PHLPP2: variants seen among roughly 807,000 people sequenced by gnomAD.
The protein encoded by PHLPP2 is PH domain leucine-rich repeat-containing protein phosphatase 2.
A neutral mutation model predicts 124.9 loss-of-function variants in PHLPP2; 66 were observed. The observed-to-expected ratio is 0.53, with a 90% CI of 0.43 to 0.65. The LOEUF (loss-of-function observed/expected upper bound fraction) is 0.65. PHLPP2 is among the 30% of genes least tolerant of loss of function. The pLI, the probability that PHLPP2 is intolerant of heterozygous loss-of-function variation, is 0.00. For synonymous variants in PHLPP2, 681 were observed against 624.7 expected, an observed-to-expected ratio of 1.09 and a Z score of -1.34; for missense variants, 1,685 against 1,600.4, an observed-to-expected ratio of 1.05 and a Z score of -0.90.
chr16:71,691,558 T>C (rs1292956363), intron 3 of PHLPP2, among the ~76,000 whole-genome samples: 1 of 151,662 alleles, frequency 6.6e-6, no homozygotes, highest in African/African-American at 2.4e-5. Context: ...AAAAAGAACA[T>C]GGAATAAATG....
chr16:71,652,397 G>A (rs766548448), intron 18 of PHLPP2, among the ~76,000 whole-genome samples: 5 of 152,192 alleles, frequency 3.3e-5, no homozygotes, highest in Admixed American at 6.5e-5. Context: ...ACACCACATA[G>A]AGTATAAACA....
chr16:71,720,707 A>G (rs1338542343), intron 1 of PHLPP2, among the ~76,000 whole-genome samples: 3 of 152,008 alleles, frequency 2.0e-5, no homozygotes, highest in Non-Finnish European at 4.4e-5. Flanking sequence ...TCTACTAAAA[A>G]TACAAAATTA....
chr16:71,651,124 G>C (rs1435645536), intron 18 of PHLPP2, among the ~76,000 whole-genome samples: 2 of 152,168 alleles, frequency 1.3e-5, no homozygotes, highest in African/African-American at 4.8e-5. Context: ...CGGATCACCT[G>C]AGATGGGAGT....
intron 2 of PHLPP2, among the ~76,000 whole-genome samples, chr16:71,710,736 G>A (rs756390524): frequency 4.6e-5 from 7 of 152,180 alleles, no homozygotes; most frequent in Non-Finnish European, 7.3e-5. Flanking sequence ...AGTTTAAGCA[G>A]CACTACAAAT....
At chr16:71,685,066 G>A (rs527958797) in intron 4 of PHLPP2, among the ~76,000 whole-genome samples, 10 of 152,312 alleles carry the variant, frequency 6.6e-5, no homozygotes, top group South Asian at 2.1e-4. Flanking sequence ...GGTGGCTCAC[G>A]CCTGTAATCC....
intron 3 of PHLPP2, among the ~76,000 whole-genome samples, chr16:71,695,867 T>C (rs2045164620): frequency 6.6e-6 from 1 of 152,158 alleles, no homozygotes; most frequent in African/African-American, 2.4e-5. Flanking sequence ...TATGAATATA[T>C]ACTATATAAA....
At chr16:71,716,781 C>T (rs1046230099) in intron 1 of PHLPP2, among the ~76,000 whole-genome samples, 2 of 152,178 alleles carry the variant, frequency 1.3e-5, no homozygotes, top group Non-Finnish European at 2.9e-5. Context: ...CTCTATGGAG[C>T]CTTCCATATC....
intron 15 of PHLPP2, among the ~76,000 whole-genome samples, chr16:71,657,045 C>T (rs916865848): frequency 5.9e-5 from 9 of 152,040 alleles, no homozygotes; most frequent in Non-Finnish European, 1.2e-4. Context: ...TGAGTTCAAA[C>T]GATTCTCCTG....
chr16:71,719,886 C>A (rs1353921594), intron 1 of PHLPP2, among the ~76,000 whole-genome samples: 2 of 151,758 alleles, frequency 1.3e-5, no homozygotes, highest in East Asian at 3.9e-4. Flanking sequence ...CAACCTCCAC[C>A]GCCCGGGTTC....
rs1360642067 is a variant in PHLPP2 at position 71,646,719 on chromosome 16, A to G, written c.*2171T>C. The stretch of plus-strand genomic sequence containing the variant: ...TTTTCTTCATTAAAAAAAATTTCCC[A>G]TATAAAAATAAGGTGGCAAAACACT... On this transcript the variant is annotated 3_prime_UTR_variant, in exon 19 of 19. Transcript: ENST00000568954. 1 of 152,146 alleles carries G rather than the reference A, an allele frequency of 6.6e-6. No individual in the cohort carries two copies. Among genetic ancestry groups the G allele is most frequent in the Non-Finnish European group, 1.5e-5 (1 of 68,030 alleles). The allele number at this position is 152,146 out of a possible 1,614,324, so 9.4% of individuals were successfully genotyped here.
chr16:71,715,823 C>CAAAA (rs71153656), intron 1 of PHLPP2, among the ~76,000 whole-genome samples: 1 of 113,070 alleles, frequency 8.8e-6, no homozygotes, highest in African/African-American at 3.3e-5. Context: ...ACTAAAAATA[C>CAAAA]AAAAAAAAAA....
At chr16:71,712,622 A>C (rs2045331372) in intron 2 of PHLPP2, among the ~76,000 whole-genome samples, 1 of 152,228 alleles carries the variant, frequency 6.6e-6, no homozygotes, top group African/African-American at 2.4e-5. Flanking sequence ...AGGATCACCC[A>C]GTCTGATCCT....
chr16:71,709,122 T>C (rs1418192348), intron 2 of PHLPP2, among the ~76,000 whole-genome samples: 2 of 152,186 alleles, frequency 1.3e-5, no homozygotes, highest in Non-Finnish European at 2.9e-5. Context: ...ATTCCAATTT[T>C]GTAACATATA....
At chr16:71,672,524 T>C (rs1204051897) in intron 9 of PHLPP2, among the ~76,000 whole-genome samples, 1 of 152,218 alleles carries the variant, frequency 6.6e-6, no homozygotes, top group East Asian at 1.9e-4. Context: ...TAACAGCTAA[T>C]TGAAGGATCC....
chr16:71,723,231 C>A (rs914841006), intron 1 of PHLPP2: 1 of 152,288 alleles, frequency 6.6e-6, no homozygotes, highest in Admixed American at 6.5e-5. Context: ...GGGTAGCGAG[C>A]CCCGAGGGCA....
At chr16:71,676,702 C>T (rs1423886933) in intron 8 of PHLPP2, 53 bp from the exon 9 acceptor site, 3 of 1,315,192 alleles carry the variant, frequency 2.3e-6, no homozygotes, top group Non-Finnish European at 3.3e-6. Flanking sequence ...ATTAAATGTG[C>T]TTACCAGAAT....
Position 71,718,695 on chromosome 16 carries a change from G to A in PHLPP2, c.-6-3894C>T, listed in dbSNP as rs144858811. Among the ~76,000 whole-genome samples the A allele has an allele frequency of 3.4e-3, 517 of 151,902 alleles. 1 individual carries two copies. The highest frequency in any genetic ancestry group is 6.1e-3 in the Non-Finnish European group (416 of 67,956). On this transcript the variant is annotated intron_variant, in intron 1 of 18. Coordinates refer to ENST00000568954, the MANE Select transcript of PHLPP2 (RefSeq NM_015020.3). The stretch of plus-strand genomic sequence containing the variant: ...AGCCTGGGCAACATAGTGAAACCGC[G>A]TCTCAAAAAAAATTAAAATAAAATA...
chr16:71,701,204 T>C (rs1347953927), intron 3 of PHLPP2, among the ~76,000 whole-genome samples: 1 of 152,166 alleles, frequency 6.6e-6, no homozygotes. Context: ...TTATTAAGTA[T>C]TAATCATTTT....
At chr16:71,695,656 G>A (rs1402205151) in intron 3 of PHLPP2, among the ~76,000 whole-genome samples, 1 of 151,502 alleles carries the variant, frequency 6.6e-6, no homozygotes, top group Non-Finnish European at 1.5e-5. Context: ...GTTGCAGTGA[G>A]CCGAGGTCAT....
Sources: gnomAD v4.1 joint callset for allele counts (sites outside exome capture counted in the v4.1 genomes callset) on GRCh38, gnomAD v4.1.1 for gene constraint, MANE v1.5 for transcripts, NCBI Gene and HGNC (gene_info 2026-07-23, HGNC 2026-07-21) for gene names.